The following PI4KA variants were observed in gnomAD, a reference collection of about 807,000 sequenced individuals.
PI4KA encodes PI4-kinase alpha.
Under a neutral mutation model 271.4 loss-of-function variants are expected in PI4KA, and 122 were observed. The ratio of observed to expected loss-of-function variants is 0.45; its 90% CI spans 0.39 to 0.52. PI4KA has a LOEUF of 0.52. Ranked by LOEUF, PI4KA falls within the 20% of genes least tolerant of loss-of-function variation. The pLI, the probability that PI4KA is intolerant of heterozygous loss-of-function variation, is 0.00. For synonymous variants in PI4KA, 1,041 were observed against 1,078.8 expected, an observed-to-expected ratio of 0.96 and a Z score of 0.69; for missense variants, 1,969 against 2,769.1, an observed-to-expected ratio of 0.71 and a Z score of 6.48.
chr22:20,760,856 T>A (rs1931888804), intron 23 of PI4KA, among the ~76,000 whole-genome samples: 1 of 152,204 alleles, frequency 6.6e-6, no homozygotes, highest in Non-Finnish European at 1.5e-5. Context: ...TGGAAGCAAG[T>A]GGCATGATCA....
intron 17 of PI4KA, among the ~76,000 whole-genome samples, chr22:20,796,993 T>C (rs1034786219): frequency 7.9e-5 from 12 of 152,184 alleles, no homozygotes; most frequent in African/African-American, 2.9e-4. Flanking sequence ...TGGGTAAGTC[T>C]CTTTAAGTCT....
chr22:20,734,607 T>C (rs2147255083), intron 32 of PI4KA, 54 bp from the exon 33 acceptor site: 1 of 1,509,376 alleles, frequency 6.6e-7, no homozygotes, highest in Non-Finnish European at 9.0e-7. Context: ...AAGGGGCTAC[T>C]GTCAAGTTTT....
intron 7 of PI4KA, among the ~76,000 whole-genome samples, chr22:20,814,236 C>A (rs1921440567): frequency 6.6e-6 from 1 of 152,084 alleles, no homozygotes; most frequent in Non-Finnish European, 1.5e-5. Context: ...GTGAAATACA[C>A]CTGTCACTAA....
At position 20,714,611 on chromosome 22, in the gene PI4KA, T is replaced by A; in HGVS notation, c.5390+17A>T. 3 of 1,613,624 alleles carry A rather than the reference T, an allele frequency of 1.9e-6. No homozygotes were observed. Among genetic ancestry groups the A allele is most frequent in the Non-Finnish European group, 2.5e-6 (3 of 1,179,772 alleles). ...CGGACGCGTGGAAGTGGGGGATGGG[T>A]AGGGTGAGGCGCCCACCTCTGCATC... On this transcript the variant is annotated intron_variant, in intron 46 of 54. Coordinates refer to ENST00000255882, the MANE Select transcript of PI4KA (RefSeq NM_058004.4).
rs1376981899 is a variant in PI4KA, at chr22:20,708,039, T to C, written c.*8A>G. The C allele has an allele frequency of 6.2e-7, 1 of 1,609,966 alleles. No homozygotes were observed. On this transcript the variant is annotated 3_prime_UTR_variant, in exon 55 of 55. Transcript: ENST00000255882. ...CACATGGGGCAGAGGCCCTCGAAGG[T>C]CCCCTCCTCAGTAGGGGATGTCATT...
intron 19 of PI4KA, chr22:20,787,190 C>A: frequency 2.3e-6 from 2 of 887,936 alleles, no homozygotes; most frequent in Non-Finnish European, 1.8e-6. Context: ...GAATTCGAGG[C>A]CCATATGAGA....
intron 1 of PI4KA, among the ~76,000 whole-genome samples, chr22:20,849,345 A>G (rs1926667620): frequency 6.6e-6 from 1 of 152,220 alleles, no homozygotes; most frequent in Admixed American, 6.5e-5. Context: ...ACATCTAGTT[A>G]AAGACCCAAG....
intron 19 of PI4KA, chr22:20,786,794 T>C: frequency 1.5e-6 from 2 of 1,369,344 alleles, no homozygotes; most frequent in Non-Finnish European, 2.1e-6. Context: ...ATCCTTTCCC[T>C]GAATGATATG....
At chr22:20,847,758 A>AAC (rs1173489867) in intron 1 of PI4KA, among the ~76,000 whole-genome samples, 4 of 151,922 alleles carry the variant, frequency 2.6e-5, no homozygotes, top group Admixed American at 6.6e-5. Context: ...CTGTTTCAAA[A>AAC]AAAAAAACAA....
intron 22 of PI4KA, chr22:20,764,499 G>A (rs1030451380): frequency 3.7e-5 from 9 of 243,912 alleles, no homozygotes; most frequent in African/African-American, 1.4e-4. Flanking sequence ...CGCACTCAGC[G>A]AGGCTGGGTC....
At position 20,714,500 on chromosome 22, in the gene PI4KA, A is replaced by T. The variant is rs1422731057; in HGVS notation, c.5419T>A (p.Phe1807Ile). The change falls in exon 47 of 55, where the codon TTC becomes ATC. Residue 1807 changes from phenylalanine to isoleucine, a missense_variant. Around this residue, in one of 13 missense-constraint regions of PI4KA, gnomAD observed 388 missense variants for 521.5 expected, o/e 0.74. Coordinates refer to ENST00000255882, the MANE Select transcript of PI4KA (RefSeq NM_058004.4). ...SAAKAPYLAK[F>I]KVKRCGVSEL... is the part of the protein sequence containing the mutation. ...CTAACTCCACATCGCTTCACCTTGA[A>T]CTTGGCCAGATATGGGGCTTTTGCA... The T allele has an allele frequency of 6.2e-7, 1 of 1,613,604 alleles. No individual in the cohort carries two copies. The highest frequency in any genetic ancestry group is 1.7e-5 in the Admixed American group (1 of 59,960).
intron 29 of PI4KA, chr22:20,747,353 T>C: frequency 2.3e-6 from 1 of 427,412 alleles, no homozygotes; most frequent in Admixed American, 3.8e-5. Context: ...TCCCCATAAA[T>C]CCATAAATTT....
Position 20,708,093 on chromosome 22 carries a change from C to A in PI4KA, c.6263G>T (p.Arg2088Leu). 1 of 1,613,398 alleles carries A rather than the reference C, an allele frequency of 6.2e-7. No individual in the cohort carries two copies. Among genetic ancestry groups the A allele is most frequent in the Non-Finnish European group, 8.5e-7 (1 of 1,179,450 alleles). The stretch of plus-strand genomic sequence containing the variant: ...ATAGTACTGGATCATGTCGTAGGTC[C>A]GGCTCCTGAAAGGCCAAGGAAGAGT... ...IQSCFLSNRS[R>L]TYDMIQYYQN... The change falls in exon 55 of 55, where the codon CGG (arginine) becomes CTG (leucine). Residue 2088 changes from arginine (R) to leucine (L), a missense_variant. Arg to Leu is a moderately radical substitution (Grantham distance 102). This residue lies in a region of PI4KA where 110 missense variants were observed against 349.8 expected (regional missense o/e 0.31). Transcript: ENST00000255882.
intron 54 of PI4KA, 69 bp from the exon 55 acceptor site, chr22:20,708,167 G>A: frequency 8.0e-7 from 1 of 1,251,664 alleles, no homozygotes; most frequent in African/African-American, 1.5e-5. Context: ...TCCCCACAGG[G>A]AGCCCTACCT....
chr22:20,757,478 A>G (rs1931434686), intron 23 of PI4KA, among the ~76,000 whole-genome samples: 1 of 152,204 alleles, frequency 6.6e-6, no homozygotes, highest in Admixed American at 6.5e-5. Context: ...GAGACATCTC[A>G]CTTCAGAAAG....
chr22:20,825,003 G>A lies in PI4KA; in HGVS notation c.368-589C>T, dbSNP rs575775808. 4.5e-5 allele frequency among the ~76,000 whole-genome samples: 6 copies of A among 132,116 alleles called. No individual in the cohort carries two copies. In the South Asian group the frequency reaches 9.6e-4, roughly 21 times the overall value. 86.7% of individuals were successfully genotyped at this position (132,116 alleles called of 152,430 possible). A position where few individuals can be genotyped will look rare whatever the true frequency, so the allele number is the denominator to read the frequency against. ...GAGAATAGCTCGAAGCCAGGAAGTG[G>A]AGGTTCCAGTGAGCCGAGATCGCAC... On this transcript the variant is annotated intron_variant, in intron 3 of 54. Transcript: ENST00000255882.
chr22:20,759,245 T>C (rs1285390740), intron 23 of PI4KA, among the ~76,000 whole-genome samples: 1 of 152,120 alleles, frequency 6.6e-6, no homozygotes, highest in Non-Finnish European at 1.5e-5. Context: ...GGTATTGCTA[T>C]GTAGCCCAGG....
Position 20,708,009 on chromosome 22 carries a change from G to A in PI4KA, c.*38C>T, listed in dbSNP as rs1058421. ...GGCTCCATGATTGTGGGACAGCTTT[G>A]AGGGCACATGGGGCAGAGGCCCTCG... On this transcript the variant is annotated 3_prime_UTR_variant, in exon 55 of 55. Transcript: ENST00000255882. 18 of 1,538,304 alleles carry A rather than the reference G, an allele frequency of 1.2e-5. No homozygotes were observed. The highest frequency in any genetic ancestry group is 9.5e-5 in the African/African-American group (7 of 73,484).
chr22:20,833,899 A>C (rs165659), intron 3 of PI4KA, among the ~76,000 whole-genome samples: 128,163 of 151,648 alleles, frequency 0.85, 54,724 homozygotes, highest in African/African-American at 0.95. Flanking sequence ...ACCTCGTGAT[A>C]CACCCGCCTC....
Sources: allele counts gnomAD v4.1 joint callset (sites outside exome capture counted in the v4.1 genomes callset), GRCh38; gene constraint gnomAD v4.1.1; regional missense constraint gnomAD v4.1.1; transcripts MANE v1.5; gene names NCBI Gene and HGNC (gene_info 2026-07-23, HGNC 2026-07-21).